GTF2A1L: variants seen among roughly 807,000 people sequenced by gnomAD.
GTF2A1L encodes general transcription factor IIA subunit 1 like.
In GTF2A1L, 48 loss-of-function variants were observed where a neutral mutation model predicts 49.7. The observed-to-expected ratio is 0.97, with a 90% CI of 0.77 to 1.23. The LOEUF is 1.23. GTF2A1L is among the 50% of genes most tolerant of loss of function. The probability of loss-of-function intolerance (pLI) is 0.00; values close to 1 mark genes in which losing one functional copy is unlikely to be tolerated. For missense variants in GTF2A1L, 736 were observed against 564.8 expected (o/e 1.30, Z -3.07); for synonymous variants, 246 against 193.5 (o/e 1.27, Z -2.25).
chr2:48,675,705 C>T (rs1390978570), intron 8 of GTF2A1L, among the ~76,000 whole-genome samples: 1 of 151,988 alleles, frequency 6.6e-6, no homozygotes, highest in East Asian at 1.9e-4. Context: ...GAATGTGAAA[C>T]CATTTGAATA....
chr2:48,620,831 TA>T lies in GTF2A1L; in HGVS notation c.22-18del. On this transcript the variant is annotated intron_variant, in intron 1 of 8. Coordinates refer to ENST00000403751, the MANE Select transcript of GTF2A1L (RefSeq NM_006872.5). ...TAAATAAATAAATAAAATGAAACTTTAACAATTGCTTTTATGTAGCCTAAAC... is the reference window on the plus strand; with the variant it reads ...TAAATAAATAAATAAAATGAAACTTTACAATTGCTTTTATGTAGCCTAAAC... 7.6e-7 allele frequency: 1 copy of T among 1,318,368 alleles called. No homozygotes were observed. Among genetic ancestry groups the T allele is most frequent in the Non-Finnish European group, 9.8e-7 (1 of 1,015,546 alleles). The allele number at this position is 1,318,368 out of a possible 1,614,324, so 81.7% of individuals were successfully genotyped here. A position where few individuals can be genotyped will look rare whatever the true frequency, so the allele number is the denominator to read the frequency against.
At chr2:48,621,754 G>A (rs993483581) in intron 3 of GTF2A1L, among the ~76,000 whole-genome samples, 10 of 152,286 alleles carry the variant, frequency 6.6e-5, no homozygotes, top group Middle Eastern at 6.8e-3. Flanking sequence ...CTACCTCACT[G>A]TTTTGGATAT....
In GTF2A1L at chr2:48,646,794, C is replaced by T. The variant is rs375174783; in HGVS notation, c.730C>T (p.Leu244Phe). ...CHQESSHYIS[L>F]PGVVFSPQVS... Reference sequence around the variant, plus strand: ...TCAGGAAAGTTCTCACTATATCAGTCTTCCAGGTGTTGTATTTTCTCCACA... The same window carrying T: ...TCAGGAAAGTTCTCACTATATCAGTTTTCCAGGTGTTGTATTTTCTCCACA... The change falls in exon 6 of 9, where the codon CTT becomes TTT. Residue 244 changes from leucine to phenylalanine, a missense_variant. Physicochemically the swap from Leu to Phe is conservative, Grantham distance 22. Transcript: ENST00000403751. 5.0e-6 allele frequency: 8 copies of T among 1,614,174 alleles called. No individual in the cohort carries two copies. The African/African-American group carries it at 8.0e-5, about 16-fold the overall frequency.
At chr2:48,672,158 T>A (rs1263192339) in intron 8 of GTF2A1L, among the ~76,000 whole-genome samples, 1 of 152,220 alleles carries the variant, frequency 6.6e-6, no homozygotes, top group African/African-American at 2.4e-5. Flanking sequence ...GGTTTTGAAA[T>A]GGGTCTTGAA....
intron 6 of GTF2A1L, among the ~76,000 whole-genome samples, chr2:48,652,500 C>T (rs1339337019): frequency 6.6e-6 from 1 of 151,342 alleles, no homozygotes; most frequent in East Asian, 2.0e-4. Context: ...CCTGTAATCC[C>T]AGCTACTCGG....
chr2:48,676,157 C>T (rs142201059), intron 8 of GTF2A1L, among the ~76,000 whole-genome samples: 11 of 151,848 alleles, frequency 7.2e-5, no homozygotes, highest in African/African-American at 1.9e-4. Context: ...CTTTAAACAA[C>T]GTATCTGTCA....
intron 6 of GTF2A1L, among the ~76,000 whole-genome samples, chr2:48,653,494 A>G (rs1458082665): frequency 2.0e-5 from 3 of 152,156 alleles, no homozygotes; most frequent in African/African-American, 7.2e-5. Context: ...TTTCCAGAAT[A>G]TTAGACACTA....
chr2:48,623,946 G>GT (rs1449854291), intron 3 of GTF2A1L, among the ~76,000 whole-genome samples: 3 of 152,140 alleles, frequency 2.0e-5, no homozygotes, highest in Non-Finnish European at 4.4e-5. Flanking sequence ...AAAACTACCC[G>GT]TCAGGTACTA....
chr2:48,621,311 G>A (rs1352355937), intron 3 of GTF2A1L, 21 bp downstream of exon 3: 51 of 1,613,804 alleles, frequency 3.2e-5, no homozygotes, highest in Non-Finnish European at 4.3e-5. Context: ...ATTAGTAAAT[G>A]AGTACTGTTA....
intron 6 of GTF2A1L, among the ~76,000 whole-genome samples, chr2:48,664,505 A>G (rs139883195): frequency 1.3e-5 from 2 of 152,128 alleles, no homozygotes; most frequent in East Asian, 3.9e-4. Context: ...TTCTATGTTC[A>G]TGAGGAGTAC....
At chr2:48,640,864 AAAT>A (rs971194428) in intron 3 of GTF2A1L, among the ~76,000 whole-genome samples, 6 of 151,690 alleles carry the variant, frequency 4.0e-5, no homozygotes, top group Admixed American at 2.6e-4. Context: ...GAGCATATAA[AAAT>A]AAGTTATTAT....
chr2:48,620,301 G>C (rs929364589), intron 1 of GTF2A1L, among the ~76,000 whole-genome samples: 1 of 152,216 alleles, frequency 6.6e-6, no homozygotes, highest in African/African-American at 2.4e-5. Context: ...TGTTATTGTA[G>C]TTCTGTAATT....
At chr2:48,647,605 C>T (rs1366244206) in intron 6 of GTF2A1L, among the ~76,000 whole-genome samples, 2 of 151,732 alleles carry the variant, frequency 1.3e-5, no homozygotes, top group East Asian at 3.9e-4. Context: ...CCTGCTCTAC[C>T]TAATTTTTCT....
At chr2:48,664,415 C>T (rs78254627) in intron 6 of GTF2A1L, among the ~76,000 whole-genome samples, 8,375 of 151,552 alleles carry the variant, frequency 0.055, 357 homozygotes, top group Non-Finnish European at 0.079. Context: ...GTGAGATACA[C>T]TGATTGATTT....
rs769311102 is a variant in GTF2A1L, at chr2:48,646,731, A to G, written c.667A>G (p.Asn223Asp). The G allele has an allele frequency of 7.2e-5, 117 of 1,614,100 alleles. No individual in the cohort carries two copies. The highest frequency in any genetic ancestry group is 9.1e-5 in the Non-Finnish European group (107 of 1,180,046). Residue 223 changes from asparagine (N) to aspartate (D), a missense_variant, in exon 6 of 9, where the codon AAT becomes GAT. Coordinates refer to ENST00000403751, the MANE Select transcript of GTF2A1L (RefSeq NM_006872.5). ...ATSDILVSPG[N>D]EHKIVPEALL... is the part of the protein sequence containing the mutation. Reference sequence around the variant, plus strand: ...CAGTGATATACTTGTATCTCCTGGAAATGAGCATAAAATCGTGCCTGAAGC... The same window carrying G: ...CAGTGATATACTTGTATCTCCTGGAGATGAGCATAAAATCGTGCCTGAAGC...
intron 8 of GTF2A1L, among the ~76,000 whole-genome samples, chr2:48,672,021 G>A (rs1475556800): frequency 6.6e-6 from 1 of 152,208 alleles, no homozygotes; most frequent in Non-Finnish European, 1.5e-5. Context: ...GTAATCAAAT[G>A]CTAAGATGAG....
chr2:48,646,523 T>C lies in GTF2A1L; in HGVS notation c.459T>C (p.His153=), dbSNP rs13396590. The C allele has an allele frequency of 0.065, 104,883 of 1,614,026 alleles. 4,628 individuals carry two copies. Among genetic ancestry groups the C allele is most frequent in the African/African-American group, 0.21 (15,853 of 74,952 alleles). ...CTGGAAGAGCAGGTATTCTTCAGCA[T>C]CCAATTCAGCAAGTATTTCAACAGC... The part of the protein sequence containing the change: ...ETSGRAGILQ[H]PIQQVFQQLG... Residue 153 remains histidine (H), a synonymous_variant, in exon 6 of 9, where the codon CAT becomes CAC. Transcript: ENST00000403751.
intron 3 of GTF2A1L, among the ~76,000 whole-genome samples, chr2:48,628,036 T>C (rs945620958): frequency 2.8e-5 from 4 of 144,158 alleles, no homozygotes; most frequent in Admixed American, 2.1e-4. Context: ...AGCATTCGTG[T>C]TGCTGCAAAG....
At position 48,638,707 on chromosome 2, in the gene GTF2A1L, T is replaced by A. The variant is rs116660072; in HGVS notation, c.248-3695T>A. On this transcript the variant is annotated intron_variant, in intron 3 of 8. Coordinates refer to ENST00000403751, the MANE Select transcript of GTF2A1L (RefSeq NM_006872.5). ...CTCACCACTCCTATTCAACATAGTT[T>A]TGGAAGTCCTAGCTATAGCAGTCAG... 7.4e-3 allele frequency among the ~76,000 whole-genome samples: 1,131 copies of A among 152,196 alleles called. 12 individuals carry two copies. Among genetic ancestry groups the A allele is most frequent in the African/African-American group, 0.026 (1,081 of 41,548 alleles).
Sources: allele counts gnomAD v4.1 joint callset (sites outside exome capture counted in the v4.1 genomes callset), GRCh38; gene constraint gnomAD v4.1.1; transcripts MANE v1.5; gene names NCBI Gene and HGNC (gene_info 2026-07-23, HGNC 2026-07-21).